Variants in ZZEF1 observed in about 807,000 individuals in gnomAD.
ZZEF1 encodes zinc finger ZZ-type and EF-hand domain-containing protein 1.
In ZZEF1, 157 loss-of-function variants were observed where a neutral mutation model predicts 342.8. That is an observed-to-expected ratio of 0.46 (90% CI 0.40 to 0.52). The LOEUF is 0.52. ZZEF1 is among the 20% of genes least tolerant of loss of function. The pLI is 0.00. For missense variants in ZZEF1, 3,480 were observed against 3,725.6 expected (o/e 0.93, Z 1.72); for synonymous variants, 1,505 against 1,429.1 (o/e 1.05, Z -1.20).
At chr17:4,093,114 T>C (rs542824459) in intron 11 of ZZEF1, among the ~76,000 whole-genome samples, 43 of 151,926 alleles carry the variant, frequency 2.8e-4, no homozygotes, top group Admixed American at 1.2e-3. Flanking sequence ...GAGTGGTGAA[T>C]AGGCCTCTAT....
chr17:4,056,470 G>T, intron 32 of ZZEF1, 125 bp from the exon 33 acceptor site: 1 of 998,774 alleles, frequency 1.0e-6, no homozygotes, highest in Non-Finnish European at 1.3e-6. Context: ...AGAGGGAAAG[G>T]TCAACTGCTT....
Position 4,086,508 on chromosome 17 carries a change from C to T in ZZEF1, c.2490G>A (p.Glu830=). The T allele has an allele frequency of 1.2e-6, 2 of 1,614,194 alleles. No individual in the cohort carries two copies. Among genetic ancestry groups the T allele is most frequent in the Non-Finnish European group, 8.5e-7 (1 of 1,180,032 alleles). ...QSPKGVEAAK[E]LYTHLCDVVD... ...TACCATCACACAAGTGTGTGTACAGCTCCTTGGCAGCCTCTACTCCTTTAG... is the reference window on the plus strand; with the variant it reads ...TACCATCACACAAGTGTGTGTACAGTTCCTTGGCAGCCTCTACTCCTTTAG... Residue 830 remains glutamate, a synonymous_variant, in exon 15 of 55, where the codon GAG becomes GAA. Transcript: ENST00000381638.
Position 4,006,929 on chromosome 17 carries a change from G to A in ZZEF1, c.8847C>T (p.Tyr2949=). 1 of 1,574,806 alleles carries A rather than the reference G, an allele frequency of 6.3e-7. No individual in the cohort carries two copies. The highest frequency in any genetic ancestry group is 1.2e-5 in the South Asian group (1 of 86,108). The change falls in exon 55 of 55, where the codon TAC becomes TAT. Residue 2949 remains tyrosine, a synonymous_variant. Coordinates refer to ENST00000381638, the MANE Select transcript of ZZEF1 (RefSeq NM_015113.4). Reference sequence around the variant, plus strand: ...TCCAGAGGCGGGTGGCCTTGTTTGGGTAGTTGATGGCCAGGCTGATGGCAG... The same window carrying A: ...TCCAGAGGCGGGTGGCCTTGTTTGGATAGTTGATGGCCAGGCTGATGGCAG... The part of the protein sequence containing the change: ...NIAAISLAIN[Y]PNKATRLWNV...
At chr17:4,074,077 T>C in intron 24 of ZZEF1, 73 bp downstream of exon 24, 1 of 1,558,850 alleles carries the variant, frequency 6.4e-7, no homozygotes, top group Non-Finnish European at 8.7e-7. Flanking sequence ...GGAAACGACC[T>C]ACAAGAGGGC....
intron 13 of ZZEF1, 110 bp from the exon 14 acceptor site, chr17:4,087,644 G>T: frequency 2.2e-6 from 2 of 921,952 alleles, no homozygotes; most frequent in Non-Finnish European, 3.2e-6. Context: ...CTCTACATGA[G>T]TGAGACTTTC....
rs1161276266 is a variant in ZZEF1, at chr17:4,110,014, A to T, written c.1067-151T>A. ...CAGAAATAAATAGCATGTGCAATGG[A>T]ACTAGTATATAATAAATTTGTCAAA... On this transcript the variant is annotated intron_variant, in intron 5 of 54. Transcript: ENST00000381638. The T allele has an allele frequency of 1.2e-5, 8 of 661,422 alleles. No individual in the cohort carries two copies. In the Admixed American group the frequency reaches 2.0e-4, roughly 17 times the overall value. 41.0% of individuals were successfully genotyped at this position (661,422 alleles called of 1,614,324 possible). A position where few individuals can be genotyped will look rare whatever the true frequency, so the allele number is the denominator to read the frequency against.
intron 26 of ZZEF1, among the ~76,000 whole-genome samples, chr17:4,068,411 C>A (rs1017744979): frequency 6.6e-6 from 1 of 152,088 alleles, no homozygotes; most frequent in East Asian, 1.9e-4. Flanking sequence ...CTCAGCCTCC[C>A]GAGTAGCTGG....
intron 11 of ZZEF1, 107 bp from the exon 12 acceptor site, chr17:4,090,937 A>G (rs1018268739): frequency 1.2e-5 from 10 of 815,526 alleles, no homozygotes; most frequent in South Asian, 1.2e-4. Flanking sequence ...GTAGCCTGTC[A>G]GTGAACAATC....
intron 43 of ZZEF1, among the ~76,000 whole-genome samples, chr17:4,024,014 G>A (rs952434333): frequency 2.0e-5 from 3 of 151,986 alleles, no homozygotes; most frequent in African/African-American, 7.3e-5. Context: ...TGCTTCCACC[G>A]AACAGCCTTC....
chr17:4,005,303 C>G lies in ZZEF1; in HGVS notation c.*1587G>C, dbSNP rs905590561. On this transcript the variant is annotated 3_prime_UTR_variant, in exon 55 of 55. Coordinates refer to ENST00000381638, the MANE Select transcript of ZZEF1 (RefSeq NM_015113.4). The stretch of plus-strand genomic sequence containing the variant: ...GCAAAAGATGGGAAAAGGGTTTCTA[C>G]GGAGCCAGCAGCACCTGCCTATTCA... 1.3e-5 allele frequency: 2 copies of G among 152,476 alleles called. No homozygotes were observed. The highest frequency in any genetic ancestry group is 3.8e-4 in the East Asian group (2 of 5,204). 9.4% of individuals were successfully genotyped at this position (152,476 alleles called of 1,614,324 possible). A position where few individuals can be genotyped will look rare whatever the true frequency, so the allele number is the denominator to read the frequency against.
intron 40 of ZZEF1, chr17:4,033,261 CT>C (rs1047491945): frequency 5.3e-6 from 2 of 379,868 alleles, no homozygotes; most frequent in Admixed American, 7.8e-5. Context: ...CACATGCACA[CT>C]CATATTCAAA....
At position 4,065,269 on chromosome 17, in the gene ZZEF1, C is replaced by T. The variant is rs114188877; in HGVS notation, c.4250-440G>A. On this transcript the variant is annotated intron_variant, in intron 28 of 54. Coordinates refer to ENST00000381638, the MANE Select transcript of ZZEF1 (RefSeq NM_015113.4). ...TAAATTAACCAGACATGGTGGCACA[C>T]GCCTATAATCTTATCTACTTGGGAG... is the stretch of plus-strand genomic sequence containing the variant. Among the ~76,000 whole-genome samples the T allele has an allele frequency of 6.4e-3, 979 of 152,032 alleles. 11 individuals carry two copies. The highest frequency in any genetic ancestry group is 0.023 in the African/African-American group (940 of 41,470).
intron 38 of ZZEF1, among the ~76,000 whole-genome samples, chr17:4,043,736 G>A (rs1029884404): frequency 3.9e-5 from 6 of 152,092 alleles, no homozygotes; most frequent in Admixed American, 6.6e-5. Flanking sequence ...TTCTCCGAAC[G>A]CCCATCCCTA....
intron 1 of ZZEF1, among the ~76,000 whole-genome samples, chr17:4,135,996 CTTTT>C (rs59632245): frequency 1.6e-5 from 2 of 125,508 alleles, no homozygotes; most frequent in Non-Finnish European, 1.6e-5. Flanking sequence ...GATATTTTCT[CTTTT>C]TTTTTTTTTT....
Position 4,114,432 on chromosome 17 carries a change from T to C in ZZEF1, c.733A>G (p.Lys245Glu). Residue 245 changes from lysine (K) to glutamate (E), a missense_variant, in exon 4 of 55, where the codon AAA becomes GAA. This residue lies in a region of ZZEF1 where 416 missense variants were observed against 374.2 expected (regional missense o/e 1.11). Coordinates refer to ENST00000381638, the MANE Select transcript of ZZEF1 (RefSeq NM_015113.4). ...TAGCACTTTGCTACTGACTTGAGTT[T>C]ATCCATCTCTGGACTTCTAGTTAGA... The part of the protein sequence containing the change: ...GDLTRSPEMD[K>E]LKSVAKCYAY... 1 of 1,603,774 alleles carries C rather than the reference T, an allele frequency of 6.2e-7. No homozygotes were observed. Among genetic ancestry groups the C allele is most frequent in the Non-Finnish European group, 8.5e-7 (1 of 1,175,274 alleles).
At chr17:4,059,915 A>T (rs1338880028) in intron 30 of ZZEF1, among the ~76,000 whole-genome samples, 2 of 152,176 alleles carry the variant, frequency 1.3e-5, no homozygotes, top group Non-Finnish European at 2.9e-5. Flanking sequence ...CTGCTCACCC[A>T]GGTAGGACTC....
chr17:4,054,922 G>A (rs1359033610), intron 33 of ZZEF1, among the ~76,000 whole-genome samples: 3 of 152,190 alleles, frequency 2.0e-5, no homozygotes, highest in Admixed American at 2.0e-4. Context: ...TGTTGAGGCA[G>A]AAGTGGGAAA....
intron 9 of ZZEF1, among the ~76,000 whole-genome samples, chr17:4,097,147 C>G (rs1227275925): frequency 1.3e-5 from 2 of 151,438 alleles, no homozygotes; most frequent in Admixed American, 6.6e-5. Flanking sequence ...TGTAGTCCCA[C>G]CTACTCGGGA....
intron 42 of ZZEF1, among the ~76,000 whole-genome samples, chr17:4,027,868 T>G (rs898878570): frequency 7.9e-5 from 12 of 152,068 alleles, no homozygotes; most frequent in East Asian, 7.7e-4. Context: ...TTTGTAGAGA[T>G]AGAATTTTGC....
Sources: allele counts gnomAD v4.1 joint callset (sites outside exome capture counted in the v4.1 genomes callset), GRCh38; gene constraint gnomAD v4.1.1; regional missense constraint gnomAD v4.1.1; transcripts MANE v1.5; gene names NCBI Gene and HGNC (gene_info 2026-07-23, HGNC 2026-07-21).